The following ZNF609 variants were observed in gnomAD, a reference collection of about 807,000 sequenced individuals.
The protein encoded by ZNF609 is zinc finger protein 609.
In ZNF609, 11 loss-of-function variants were observed where a neutral mutation model predicts 109.5. That is an observed-to-expected ratio of 0.10 (90% confidence interval 0.06 to 0.17). The LOEUF (loss-of-function observed/expected upper bound fraction) is 0.17. Ranked by LOEUF, ZNF609 falls within the 10% of genes least tolerant of loss-of-function variation. The pLI is 1.00. For synonymous variants in ZNF609, 646 were observed against 662.0 expected (o/e 0.98, Z 0.37); for missense variants, 1,559 against 1,772.4 (o/e 0.88, Z 2.16).
intron 6 of ZNF609, among the ~76,000 whole-genome samples, chr15:64,679,400 T>C (rs1595762480): frequency 6.6e-6 from 1 of 152,246 alleles, no homozygotes; most frequent in East Asian, 1.9e-4. Context: ...TAGAAGAAAA[T>C]GCTCTTATTT....
At chr15:64,667,401 T>C (rs1896665562) in intron 3 of ZNF609, among the ~76,000 whole-genome samples, 1 of 152,194 alleles carries the variant, frequency 6.6e-6, no homozygotes, top group Non-Finnish European at 1.5e-5. Flanking sequence ...ATTGTCTTGA[T>C]ATATTCCATA....
chr15:64,670,327 A>G lies in ZNF609; in HGVS notation c.974-19A>G, dbSNP rs201754828. The stretch of plus-strand genomic sequence containing the variant: ...AATGGGGTGTGTCTTGTCTATATCT[A>G]TGTGCTCTTATTTTCCAGGGATGTT... On this transcript the variant is annotated intron_variant, in intron 3 of 9. Coordinates refer to ENST00000326648, the MANE Select transcript of ZNF609 (RefSeq NM_015042.2). 3.0e-5 allele frequency: 48 copies of G among 1,603,564 alleles called. No homozygotes were observed. The highest frequency in any genetic ancestry group is 1.5e-4 in the African/African-American group (11 of 74,838).
chr15:64,522,295 C>G (rs147074366), intron 2 of ZNF609, among the ~76,000 whole-genome samples: 132 of 152,318 alleles, frequency 8.7e-4, no homozygotes, highest in African/African-American at 3.2e-3. Context: ...AATTGTACTT[C>G]ATTCTACCAG....
At chr15:64,676,516 C>T (rs1371177922) in intron 5 of ZNF609, among the ~76,000 whole-genome samples, 8 of 151,876 alleles carry the variant, frequency 5.3e-5, no homozygotes, top group Admixed American at 1.3e-4. Flanking sequence ...CTACAACCTC[C>T]GCCTCCCAGG....
chr15:64,566,572 C>T (rs1424543013), intron 2 of ZNF609, among the ~76,000 whole-genome samples: 1 of 152,162 alleles, frequency 6.6e-6, no homozygotes, highest in East Asian at 1.9e-4. Context: ...CTAGCCATTT[C>T]TTAAAAGGCC....
intron 2 of ZNF609, chr15:64,593,438 A>G (rs1895337070): frequency 1.5e-6 from 1 of 669,168 alleles, no homozygotes; most frequent in Non-Finnish European, 2.6e-6. Context: ...GCTAATTGAC[A>G]CAAAAATGTT....
intron 2 of ZNF609, among the ~76,000 whole-genome samples, chr15:64,525,467 C>T (rs1029966202): frequency 2.6e-5 from 4 of 152,160 alleles, no homozygotes; most frequent in Non-Finnish European, 5.9e-5. Flanking sequence ...GTATTACAAT[C>T]TTGATTACTC....
At chr15:64,532,998 G>GT (rs1393676474) in intron 2 of ZNF609, among the ~76,000 whole-genome samples, 1 of 151,652 alleles carries the variant, frequency 6.6e-6, no homozygotes, top group Non-Finnish European at 1.5e-5. Context: ...AGCCTCTCTA[G>GT]TTTTTTTGGG....
In ZNF609 at chr15:64,683,042, C is replaced by G. The variant is rs2083219850; in HGVS notation, c.*1356C>G. 1.3e-5 allele frequency: 2 copies of G among 152,624 alleles called. No individual in the cohort carries two copies. The highest frequency in any genetic ancestry group is 4.1e-4 in the South Asian group (2 of 4,832). 9.5% of individuals were successfully genotyped at this position (152,624 alleles called of 1,614,324 possible). ...TCTCTGCTCTCCTTAGAAATGCAGT[C>G]TCCCAATGGAAGCTTTATACTCTTT... On this transcript the variant is annotated 3_prime_UTR_variant, in exon 10 of 10. Coordinates refer to ENST00000326648, the MANE Select transcript of ZNF609 (RefSeq NM_015042.2).
chr15:64,673,826 C>T lies in ZNF609; in HGVS notation c.1062-90C>T, dbSNP rs184293789. Reference sequence around the variant, plus strand: ...CATATTCATTGAAAATGATAGTCACCATCTGGACAGTTCTGGAGGCTACAG... The same window carrying T: ...CATATTCATTGAAAATGATAGTCACTATCTGGACAGTTCTGGAGGCTACAG... On this transcript the variant is annotated intron_variant, in intron 4 of 9. Coordinates refer to ENST00000326648, the MANE Select transcript of ZNF609 (RefSeq NM_015042.2). 16 of 1,371,364 alleles carry T rather than the reference C, an allele frequency of 1.2e-5. No homozygotes were observed. In the Admixed American group the frequency reaches 2.6e-4, roughly 22 times the overall value. The allele number at this position is 1,371,364 out of a possible 1,614,324, so 84.9% of individuals were successfully genotyped here. A position where few individuals can be genotyped will look rare whatever the true frequency, so the allele number is the denominator to read the frequency against.
At chr15:64,501,442 C>T (rs1893561264) in intron 2 of ZNF609, 1 of 152,224 alleles carries the variant, frequency 6.6e-6, no homozygotes, top group African/African-American at 2.4e-5. Context: ...GGCTCATTCC[C>T]TTTTACCAGT....
At chr15:64,639,070 G>A (rs1041291974) in intron 3 of ZNF609, among the ~76,000 whole-genome samples, 13 of 151,954 alleles carry the variant, frequency 8.6e-5, no homozygotes, top group African/African-American at 3.1e-4. Flanking sequence ...AACCAGCCTG[G>A]GCAACATAGT....
chr15:64,658,118 C>T (rs561061724), intron 3 of ZNF609, among the ~76,000 whole-genome samples: 1 of 152,278 alleles, frequency 6.6e-6, no homozygotes, highest in Admixed American at 6.5e-5. Flanking sequence ...AGAAGGAAAA[C>T]AATGCTTGGC....
chr15:64,551,841 G>T (rs1424622748), intron 2 of ZNF609, among the ~76,000 whole-genome samples: 1 of 148,974 alleles, frequency 6.7e-6, no homozygotes, highest in Non-Finnish European at 1.5e-5. Context: ...ACAAAAATTA[G>T]CCAGGCGTGG....
intron 2 of ZNF609, chr15:64,529,157 C>T (rs1196288087): frequency 1.3e-5 from 10 of 743,468 alleles, no homozygotes; most frequent in Admixed American, 1.1e-4. Context: ...ATGAATCCTT[C>T]TATGATACCA....
At chr15:64,562,882 T>A (rs78033066) in intron 2 of ZNF609, among the ~76,000 whole-genome samples, 2 of 7,666 alleles carry the variant, frequency 2.6e-4, no homozygotes, top group Non-Finnish European at 3.8e-3. Context: ...AGTGTGTGTG[T>A]GTGTGTGTGT....
At chr15:64,547,302 G>A (rs1894381041) in intron 2 of ZNF609, among the ~76,000 whole-genome samples, 1 of 152,150 alleles carries the variant, frequency 6.6e-6, no homozygotes. Context: ...ACTTTAGACA[G>A]TGAGAATAAG....
intron 2 of ZNF609, among the ~76,000 whole-genome samples, chr15:64,612,314 A>AT (rs1161453200): frequency 1.3e-5 from 2 of 149,340 alleles, no homozygotes; most frequent in Middle Eastern, 3.3e-3. Context: ...CGCCCGGTTA[A>AT]TTTTTTTTGT....
chr15:64,493,879 G>A (rs1893448185), intron 1 of ZNF609, among the ~76,000 whole-genome samples: 1 of 152,190 alleles, frequency 6.6e-6, no homozygotes, highest in South Asian at 2.1e-4. Context: ...ACCTGTCAAA[G>A]AGTTGATTAT....
Sources: allele counts gnomAD v4.1 joint callset (sites outside exome capture counted in the v4.1 genomes callset), GRCh38; gene constraint gnomAD v4.1.1; transcripts MANE v1.5; gene names NCBI Gene and HGNC (gene_info 2026-07-23, HGNC 2026-07-21).